The following AATF variants were observed in gnomAD, a reference collection of about 807,000 sequenced individuals.
AATF encodes the protein apoptosis antagonizing transcription factor.
AATF carries 48 observed loss-of-function variants against 63.7 expected under a neutral mutation model. The observed-to-expected ratio is 0.75, with a 90% CI of 0.60 to 0.96. The LOEUF (loss-of-function observed/expected upper bound fraction) is 0.96, where lower values mean the gene tolerates loss of function less well. Ranked by LOEUF, AATF falls within the 40% of genes least tolerant of loss-of-function variation. AATF has a pLI of 0.00. For missense variants in AATF, 639 were observed against 685.7 expected (o/e 0.93, Z 0.76); for synonymous variants, 258 against 247.7 (o/e 1.04, Z -0.39).
chr17:37,001,717 C>T (rs762122763), intron 8 of AATF, among the ~76,000 whole-genome samples: 4 of 152,144 alleles, frequency 2.6e-5, no homozygotes, highest in Admixed American at 2.0e-4. Context: ...CCACAAATAA[C>T]GTCATACTCA....
chr17:37,010,995 A>G (rs1446493835), intron 8 of AATF, among the ~76,000 whole-genome samples: 2 of 152,234 alleles, frequency 1.3e-5, no homozygotes, highest in Non-Finnish European at 2.9e-5. Context: ...ATGGAGGGAC[A>G]AGAGTAAATG....
At chr17:36,982,427 C>T (rs1318781288) in intron 4 of AATF, among the ~76,000 whole-genome samples, 1 of 152,038 alleles carries the variant, frequency 6.6e-6, no homozygotes, top group East Asian at 1.9e-4. Flanking sequence ...AATCTTGGCT[C>T]ACTGCAACCT....
intron 4 of AATF, among the ~76,000 whole-genome samples, chr17:36,956,327 A>G (rs2070899406): frequency 6.6e-6 from 1 of 152,192 alleles, no homozygotes; most frequent in Non-Finnish European, 1.5e-5. Flanking sequence ...TTCTTGTGGC[A>G]ATATGACATA....
intron 5 of AATF, 22 bp downstream of exon 5, chr17:36,986,753 G>A (rs150618290): frequency 1.9e-6 from 3 of 1,578,036 alleles, no homozygotes; most frequent in East Asian, 4.5e-5. Context: ...GAATCATGGA[G>A]TTGCTTATTT....
Position 37,020,964 on chromosome 17 carries a change from C to T in AATF, c.1497C>T (p.Ser499=). Residue 499 remains serine, a synonymous_variant, in exon 10 of 12, where the codon AGC becomes AGT. Transcript: ENST00000619387. ...GGCTTGCAATCCAGAAGTTACGAAG[C>T]AAAATCCACAAAAAAGTAGATAGGA... The part of the protein sequence containing the change: ...RQWLAIQKLR[S]KIHKKVDRKA... 1.2e-6 allele frequency: 2 copies of T among 1,610,618 alleles called. No homozygotes were observed. Among genetic ancestry groups the T allele is most frequent in the Non-Finnish European group, 1.7e-6 (2 of 1,178,422 alleles).
At position 36,988,734 on chromosome 17, in the gene AATF, T is replaced by TGC. The variant is rs780223066; in HGVS notation, c.1149+19_1149+20dup. The TGC allele has an allele frequency of 1.2e-6, 2 of 1,612,818 alleles. No homozygotes were observed. Among genetic ancestry groups the TGC allele is most frequent in the South Asian group, 2.2e-5 (2 of 90,972 alleles). ...AAACTGGGGAAGGCAAGTGTGTGTATGCGCGCATGTATGTGTAAGATAGGT... is the reference window on the plus strand; with the variant it reads ...AAACTGGGGAAGGCAAGTGTGTGTATGCGCGCGCATGTATGTGTAAGATAGGT... On this transcript the variant is annotated intron_variant, in intron 6 of 11. Transcript: ENST00000619387.
intron 11 of AATF, chr17:37,051,181 A>G (rs1567999204): frequency 6.6e-6 from 1 of 152,260 alleles, no homozygotes; most frequent in Non-Finnish European, 1.5e-5. Flanking sequence ...GAGGCTGCAC[A>G]GGCTTTTTCG....
rs181230108 is a variant in AATF, at chr17:37,007,518, T to G, written c.1399-11487T>G. Among the ~76,000 whole-genome samples, 15 of 152,102 alleles carry G rather than the reference T, an allele frequency of 9.9e-5. 1 individual carries two copies. The East Asian group carries it at 2.7e-3, about 27-fold the overall frequency. On this transcript the variant is annotated intron_variant, in intron 8 of 11. Coordinates refer to ENST00000619387, the MANE Select transcript of AATF (RefSeq NM_012138.4). ...TGTGCCCAGCCCTTAGAAATATTAT[T>G]GAATAATCACTGTATGCAAAGGCAG... is the stretch of plus-strand genomic sequence containing the variant.
chr17:37,010,937 C>G (rs995328961), intron 8 of AATF, among the ~76,000 whole-genome samples: 1 of 152,154 alleles, frequency 6.6e-6, no homozygotes, highest in Non-Finnish European at 1.5e-5. Context: ...TGTCCTGACA[C>G]ATTTGCTTTT....
rs935243950 is a variant in AATF, at chr17:36,948,996, C to T, written c.-130C>T. The T allele has an allele frequency of 1.7e-5, 15 of 882,880 alleles. No individual in the cohort carries two copies. The highest frequency in any genetic ancestry group is 3.4e-5 in the African/African-American group (2 of 59,266). The allele number at this position is 882,880 out of a possible 1,614,324, so 54.7% of individuals were successfully genotyped here. A position where few individuals can be genotyped will look rare whatever the true frequency, so the allele number is the denominator to read the frequency against. The stretch of plus-strand genomic sequence containing the variant: ...CCGGTCCAGAGCTGTGGGGTGGCCT[C>T]CGCGCGGTCTCTGGCGGAGTCGGGG... On this transcript the variant is annotated 5_prime_UTR_variant, in exon 1 of 12. Coordinates refer to ENST00000619387, the MANE Select transcript of AATF (RefSeq NM_012138.4).
chr17:36,971,820 T>G (rs1217412833), intron 4 of AATF, among the ~76,000 whole-genome samples: 2 of 152,216 alleles, frequency 1.3e-5, no homozygotes, highest in East Asian at 3.8e-4. Context: ...ACTTGGAAAT[T>G]CCATTTATAT....
At chr17:36,983,281 A>T (rs1038905094) in intron 4 of AATF, among the ~76,000 whole-genome samples, 1 of 151,898 alleles carries the variant, frequency 6.6e-6, no homozygotes, top group African/African-American at 2.4e-5. Context: ...GGTCTCAAGC[A>T]GTTTATCCAC....
intron 10 of AATF, among the ~76,000 whole-genome samples, chr17:37,024,171 C>T (rs903807165): frequency 2.0e-5 from 3 of 152,134 alleles, no homozygotes; most frequent in African/African-American, 7.2e-5. Context: ...AGACCCTAGC[C>T]GACTGAGGTG....
intron 3 of AATF, 117 bp downstream of exon 3, chr17:36,953,413 C>T: frequency 6.7e-7 from 1 of 1,484,808 alleles, no homozygotes; most frequent in South Asian, 1.4e-5. Flanking sequence ...TAGTTTGTGA[C>T]ATGCCCCACT....
intron 4 of AATF, among the ~76,000 whole-genome samples, chr17:36,958,155 CTCTT>C (rs10542048): frequency 0.038 from 5,735 of 151,584 alleles, 361 homozygotes; most frequent in African/African-American, 0.13. Flanking sequence ...TGCTTTTTCT[CTCTT>C]TCTTTTTTTT....
At chr17:36,997,937 G>A (rs560308777) in intron 8 of AATF, among the ~76,000 whole-genome samples, 29 of 152,306 alleles carry the variant, frequency 1.9e-4, no homozygotes, top group African/African-American at 6.7e-4. Context: ...ACCTGGATGA[G>A]ATTGGAGACT....
intron 11 of AATF, among the ~76,000 whole-genome samples, chr17:37,033,580 A>C (rs1230984891): frequency 6.6e-6 from 1 of 152,238 alleles, no homozygotes; most frequent in Non-Finnish European, 1.5e-5. Flanking sequence ...TATTTGCTAG[A>C]CATAAAAATT....
At chr17:36,967,780 A>G (rs2071002970) in intron 4 of AATF, among the ~76,000 whole-genome samples, 1 of 151,782 alleles carries the variant, frequency 6.6e-6, no homozygotes, top group Non-Finnish European at 1.5e-5. Flanking sequence ...TGTATATAGA[A>G]TTCTATAGAA....
chr17:36,960,888 C>T (rs2070941834), intron 4 of AATF, among the ~76,000 whole-genome samples: 1 of 152,044 alleles, frequency 6.6e-6, no homozygotes, highest in Admixed American at 6.5e-5. Context: ...CTTCAGTGTT[C>T]TAATTATAAA....
Sources: allele counts gnomAD v4.1 joint callset (sites outside exome capture counted in the v4.1 genomes callset), GRCh38; gene constraint gnomAD v4.1.1; transcripts MANE v1.5; gene names NCBI Gene and HGNC (gene_info 2026-07-23, HGNC 2026-07-21).